BCAR3: variants seen among roughly 807,000 people sequenced by gnomAD.
BCAR3 encodes BCAR3 adaptor protein, NSP family member, also known as breast cancer anti-estrogen resistance protein 3.
A neutral mutation model predicts 80.1 loss-of-function variants in BCAR3; 37 were observed. The ratio of observed to expected loss-of-function variants is 0.46; its 90% CI spans 0.36 to 0.61. The LOEUF is 0.61. Ranked by LOEUF, BCAR3 falls within the 20% of genes least tolerant of loss-of-function variation. BCAR3 has a pLI of 0.00. For synonymous variants in BCAR3, 389 were observed against 418.9 expected (o/e 0.93, Z 0.87); for missense variants, 978 against 1,068.2 (o/e 0.92, Z 1.18).
intron 2 of BCAR3, among the ~76,000 whole-genome samples, chr1:93,779,056 T>C (rs1163869315): frequency 1.3e-5 from 2 of 152,066 alleles, no homozygotes; most frequent in Admixed American, 1.3e-4. Context: ...GGAGGCAAGA[T>C]GGGAGGAGGA....
At chr1:93,759,699 C>T (rs568494104) in intron 2 of BCAR3, among the ~76,000 whole-genome samples, 38 of 152,200 alleles carry the variant, frequency 2.5e-4, no homozygotes, top group African/African-American at 8.2e-4. Context: ...CCTGCCCTTG[C>T]GTTATTTGGA....
chr1:93,642,749 T>C (rs762843487), intron 2 of BCAR3, among the ~76,000 whole-genome samples: 2 of 152,128 alleles, frequency 1.3e-5, no homozygotes, highest in Non-Finnish European at 2.9e-5. Flanking sequence ...CCAGTAACTG[T>C]GTTGTGCCCA....
At position 93,571,345 on chromosome 1, in the gene BCAR3, C is replaced by G. The variant is rs140808336; in HGVS notation, c.1974+325G>C. On this transcript the variant is annotated intron_variant, in intron 9 of 11. Transcript: ENST00000260502. ...TGAAACCCTGTCCCTACTAAAAATA[C>G]AAAAATTAGCTGGGTGTGGTGGTGC... is the stretch of plus-strand genomic sequence containing the variant. Among the ~76,000 whole-genome samples the G allele has an allele frequency of 1.6e-3, 236 of 151,914 alleles. 1 individual carries two copies. Among genetic ancestry groups the G allele is most frequent in the African/African-American group, 5.1e-3 (210 of 41,416 alleles).
chr1:93,797,707 T>A (rs1653331263), intron 2 of BCAR3, among the ~76,000 whole-genome samples: 1 of 152,002 alleles, frequency 6.6e-6, no homozygotes, highest in South Asian at 2.1e-4. Flanking sequence ...GGGCATGGTA[T>A]GTACAATAAA....
At chr1:93,613,904 G>A (rs994507865) in intron 3 of BCAR3, 14 of 1,550,472 alleles carry the variant, frequency 9.0e-6, no homozygotes, top group South Asian at 1.2e-5. Flanking sequence ...CTGAGAGGGC[G>A]TGGAAAGCAC....
chr1:93,809,987 G>A (rs1248620619), intron 2 of BCAR3, among the ~76,000 whole-genome samples: 1 of 151,808 alleles, frequency 6.6e-6, no homozygotes, highest in African/African-American at 2.4e-5. Context: ...GATCACCTGA[G>A]GTCAGGAGTT....
chr1:93,691,526 A>G (rs1649188098), intron 3 of BCAR3, among the ~76,000 whole-genome samples: 1 of 152,216 alleles, frequency 6.6e-6, no homozygotes. Flanking sequence ...TGCAAGAGAC[A>G]GGCGGCCTTG....
intron 3 of BCAR3, among the ~76,000 whole-genome samples, chr1:93,613,119 G>C (rs566378687): frequency 6.6e-6 from 1 of 152,252 alleles, no homozygotes; most frequent in South Asian, 2.1e-4. Context: ...AATAAACGAG[G>C]TCCGCAGTCA....
chr1:93,571,497 A>G lies in BCAR3; in HGVS notation c.1974+173T>C, dbSNP rs1017506970. ...TGGCAGAGTGAGATTCTGTCTCAAA[A>G]AAGAAAAAAAAAAGTAGACCCCAAA... is the stretch of plus-strand genomic sequence containing the variant. On this transcript the variant is annotated intron_variant, in intron 9 of 11. Transcript: ENST00000260502. The G allele has an allele frequency of 5.0e-6, 4 of 801,022 alleles. No homozygotes were observed. The African/African-American group carries it at 7.0e-5, about 14-fold the overall frequency. 49.6% of individuals were successfully genotyped at this position (801,022 alleles called of 1,614,324 possible). A position where few individuals can be genotyped will look rare whatever the true frequency, so the allele number is the denominator to read the frequency against.
chr1:93,672,373 G>A (rs1043901690), intron 2 of BCAR3, among the ~76,000 whole-genome samples: 2 of 151,476 alleles, frequency 1.3e-5, no homozygotes, highest in Non-Finnish European at 2.9e-5. Flanking sequence ...CTGGCACCTA[G>A]CCAGGGCCTC....
At chr1:93,607,382 T>C (rs985035288) in intron 3 of BCAR3, among the ~76,000 whole-genome samples, 6 of 151,992 alleles carry the variant, frequency 3.9e-5, no homozygotes, top group African/African-American at 1.5e-4. Context: ...GATCTCGTTA[T>C]GAGAGTTAGA....
chr1:93,714,373 G>A (rs915665050), intron 2 of BCAR3, among the ~76,000 whole-genome samples: 1 of 152,164 alleles, frequency 6.6e-6, no homozygotes, highest in African/African-American at 2.4e-5. Flanking sequence ...GGAGGTCTAG[G>A]ACACCATCTT....
At chr1:93,759,242 C>T (rs990313970) in intron 2 of BCAR3, among the ~76,000 whole-genome samples, 5 of 152,154 alleles carry the variant, frequency 3.3e-5, no homozygotes, top group South Asian at 2.1e-4. Context: ...AGGAAGGCGC[C>T]GAAAGCTAAG....
At chr1:93,597,511 C>T (rs566256324) in intron 3 of BCAR3, among the ~76,000 whole-genome samples, 14 of 152,274 alleles carry the variant, frequency 9.2e-5, no homozygotes, top group Admixed American at 7.8e-4. Context: ...TGTGTGGCCT[C>T]GGGCAGGTGA....
chr1:93,652,653 T>A lies in BCAR3; in HGVS notation c.318-10310A>T, dbSNP rs1222309279. Among the ~76,000 whole-genome samples, 4 of 151,946 alleles carry A rather than the reference T, an allele frequency of 2.6e-5. 1 individual carries two copies. The South Asian group carries it at 6.2e-4, about 24-fold the overall frequency. On this transcript the variant is annotated intron_variant, in intron 2 of 11. Coordinates refer to ENST00000260502, the MANE Select transcript of BCAR3 (RefSeq NM_003567.4). ...ATGAAAAGGTTTTTTTTTTTTATAA[T>A]TTTTTTTGGCTTATGCCAATTATGA... is the stretch of plus-strand genomic sequence containing the variant.
At chr1:93,590,534 G>A (rs951479525) in intron 4 of BCAR3, among the ~76,000 whole-genome samples, 1 of 152,242 alleles carries the variant, frequency 6.6e-6, no homozygotes, top group African/African-American at 2.4e-5. Flanking sequence ...CATGCAAGTA[G>A]TAAACGAATG....
At chr1:93,841,984 G>A (rs891249611) in intron 2 of BCAR3, among the ~76,000 whole-genome samples, 3 of 152,168 alleles carry the variant, frequency 2.0e-5, no homozygotes, top group Admixed American at 6.5e-5. Flanking sequence ...TTCCTTGTAC[G>A]CAAGTCAGTC....
chr1:93,844,270 G>A (rs1655065203), intron 2 of BCAR3, among the ~76,000 whole-genome samples: 1 of 152,316 alleles, frequency 6.6e-6, no homozygotes, highest in Middle Eastern at 3.4e-3. Context: ...TCATGCCATT[G>A]CACTCCAGCC....
At chr1:93,614,813 C>T (rs549154998) in intron 3 of BCAR3, among the ~76,000 whole-genome samples, 1 of 152,050 alleles carries the variant, frequency 6.6e-6, no homozygotes, top group Non-Finnish European at 1.5e-5. Flanking sequence ...AATTACTCAT[C>T]GCCACTCTGA....
Sources: allele counts gnomAD v4.1 joint callset (sites outside exome capture counted in the v4.1 genomes callset), GRCh38; gene constraint gnomAD v4.1.1; transcripts MANE v1.5; gene names NCBI Gene and HGNC (gene_info 2026-07-23, HGNC 2026-07-21).